The following CCDC73 variants were observed in gnomAD, a reference collection of about 807,000 sequenced individuals.
CCDC73 encodes the protein coiled-coil domain-containing protein 73.
A neutral mutation model predicts 116.5 loss-of-function variants in CCDC73; 95 were observed. That is an observed-to-expected ratio of 0.82 (90% CI 0.69 to 0.97). The LOEUF is 0.97. Ranked by LOEUF, CCDC73 falls within the 50% of genes least tolerant of loss-of-function variation. The probability of loss-of-function intolerance (pLI) is 0.00; values close to 1 mark genes in which losing one functional copy is unlikely to be tolerated. For synonymous variants in CCDC73, 398 were observed against 401.3 expected (o/e 0.99, Z 0.10); for missense variants, 1,066 against 1,206.8 (o/e 0.88, Z 1.73).
At chr11:32,761,027 C>T (rs988592196) in intron 1 of CCDC73, among the ~76,000 whole-genome samples, 1 of 152,032 alleles carries the variant, frequency 6.6e-6, no homozygotes, top group Non-Finnish European at 1.5e-5. Context: ...ATATTTATAG[C>T]TTCATATAAC....
intron 2 of CCDC73, among the ~76,000 whole-genome samples, chr11:32,755,766 TATATATGTGTATATATATATATCTCC>T (rs1850333769): frequency 2.7e-5 from 3 of 111,894 alleles, no homozygotes; most frequent in African/African-American, 7.7e-5. Flanking sequence ...TATATCTCCA[TATATATGTGTATATATATATATCTCC>T]ATATATGTGT....
chr11:32,664,839 G>A (rs1855965249), intron 9 of CCDC73, among the ~76,000 whole-genome samples: 1 of 152,128 alleles, frequency 6.6e-6, no homozygotes, highest in South Asian at 2.1e-4. Context: ...ATGTGTCCCA[G>A]AGATTCTGGT....
intron 1 of CCDC73, among the ~76,000 whole-genome samples, chr11:32,783,639 T>A (rs1347252946): frequency 1.3e-5 from 2 of 152,110 alleles, no homozygotes; most frequent in African/African-American, 4.8e-5. Flanking sequence ...ATTTTATTTT[T>A]ATTTTTTTTT....
chr11:32,614,217 G>A lies in CCDC73; in HGVS notation c.2101C>T (p.Pro701Ser). ...TGGTGGTCGATTACTATATCACAGG[G>A]AACAGTTAGTTCAGATTTCTCTAAA... ...DTLEKSELTV[P>S]CDIVIDHHVS... The change falls in exon 16 of 18, where the codon CCC becomes TCC. Residue 701 changes from proline to serine, a missense_variant. By Grantham distance (74) the Pro-to-Ser change is moderately conservative. Transcript: ENST00000335185. The A allele has an allele frequency of 1.9e-6, 3 of 1,613,780 alleles. No homozygotes were observed. Among genetic ancestry groups the A allele is most frequent in the Non-Finnish European group, 2.5e-6 (3 of 1,179,808 alleles).
At chr11:32,626,525 C>G (rs765653771) in intron 14 of CCDC73, among the ~76,000 whole-genome samples, 10 of 152,154 alleles carry the variant, frequency 6.6e-5, no homozygotes, top group Non-Finnish European at 1.3e-4. Flanking sequence ...CCAAGTCAAT[C>G]CTAAGCCAAA....
rs760034941 is a variant in CCDC73, at chr11:32,614,469, T to C, written c.1849A>G (p.Lys617Glu). The change falls in exon 16 of 18, where the codon AAG becomes GAG. Residue 617 changes from lysine (K) to glutamate (E), a missense_variant. Coordinates refer to ENST00000335185, the MANE Select transcript of CCDC73 (RefSeq NM_001008391.4). ...LPGTREHALEKEITNSDQTKA... is the reference protein window; with the variant it reads ...LPGTREHALEEEITNSDQTKA... ...GTTTGGTCACTATTTGTAATTTCCT[T>C]CTCTAGAGCATGTTCTCGAGTCCCT... 4.0e-5 allele frequency: 65 copies of C among 1,613,604 alleles called. No individual in the cohort carries two copies. Among genetic ancestry groups the C allele is most frequent in the Middle Eastern group, 3.3e-4 (2 of 6,058 alleles).
intron 2 of CCDC73, 125 bp from the exon 3 acceptor site, chr11:32,718,272 C>G: frequency 1.6e-6 from 1 of 624,538 alleles, no homozygotes; most frequent in Non-Finnish European, 2.7e-6. Flanking sequence ...AAAATCTAGA[C>G]AAACTGCAAA....
intron 9 of CCDC73, among the ~76,000 whole-genome samples, chr11:32,657,184 A>G (rs755972124): frequency 2.2e-4 from 34 of 152,224 alleles, no homozygotes; most frequent in Non-Finnish European, 3.4e-4. Flanking sequence ...TAATACCTTC[A>G]AAGTTCTACA....
chr11:32,655,769 G>T (rs994458879), intron 9 of CCDC73, among the ~76,000 whole-genome samples: 2 of 152,130 alleles, frequency 1.3e-5, no homozygotes, highest in Non-Finnish European at 2.9e-5. Context: ...AACAAAATTT[G>T]CATTTTAGAA....
At chr11:32,738,485 T>C (rs1287637513) in intron 2 of CCDC73, among the ~76,000 whole-genome samples, 2 of 152,142 alleles carry the variant, frequency 1.3e-5, no homozygotes, top group African/African-American at 4.8e-5. Flanking sequence ...TATACCTGTG[T>C]GCGATTTGTA....
At chr11:32,769,993 T>C (rs1850478031) in intron 1 of CCDC73, among the ~76,000 whole-genome samples, 1 of 152,218 alleles carries the variant, frequency 6.6e-6, no homozygotes, top group African/African-American at 2.4e-5. Flanking sequence ...TCTGTATTAG[T>C]TATTGCTGTA....
chr11:32,753,413 G>A (rs1850305101), intron 2 of CCDC73, among the ~76,000 whole-genome samples: 1 of 150,876 alleles, frequency 6.6e-6, no homozygotes, highest in African/African-American at 2.4e-5. Context: ...TCCTACCTCA[G>A]CCTTCCAAGT....
chr11:32,720,396 C>A (rs1027835657), intron 2 of CCDC73, among the ~76,000 whole-genome samples: 8 of 152,108 alleles, frequency 5.3e-5, no homozygotes, highest in Non-Finnish European at 4.4e-5. Flanking sequence ...AGAACACTTA[C>A]AAAAACCGTA....
rs1482151636 is a variant in CCDC73, at chr11:32,760,201, G to A, written c.43C>T (p.Leu15Phe). ...FNTESSSTFT[L>F]QSSSETLFSI... Reference sequence around the variant, plus strand: ...AACAATGTCTCTGAAGAACTTTGAAGAGTAAAAGTAGATGATGACTCAGTA... The same window carrying A: ...AACAATGTCTCTGAAGAACTTTGAAAAGTAAAAGTAGATGATGACTCAGTA... The change falls in exon 2 of 18, where the codon CTT becomes TTT. Residue 15 changes from leucine to phenylalanine, a missense_variant. By Grantham distance (22) the Leu-to-Phe change is conservative. Transcript: ENST00000335185. 3.8e-6 allele frequency: 6 copies of A among 1,590,504 alleles called. No homozygotes were observed. In the Admixed American group the frequency reaches 5.2e-5, roughly 14 times the overall value.
chr11:32,645,197 T>A (rs997230857), intron 12 of CCDC73, among the ~76,000 whole-genome samples: 1 of 152,142 alleles, frequency 6.6e-6, no homozygotes, highest in East Asian at 1.9e-4. Flanking sequence ...CACAGAACTG[T>A]CATTTCCTAT....
chr11:32,817,137 A>C, the CCDC73 span, among the ~76,000 whole-genome samples: 1 of 152,242 alleles, frequency 6.6e-6, no homozygotes, highest in Admixed American at 6.5e-5. Context: ...GTAATTGCCA[A>C]GTCTTGATTC....
intron 1 of CCDC73, among the ~76,000 whole-genome samples, chr11:32,763,486 G>A (rs1315985636): frequency 6.6e-6 from 1 of 152,238 alleles, no homozygotes; most frequent in Non-Finnish European, 1.5e-5. Context: ...GGCAAACAGG[G>A]TCTGGTGTAC....
intron 1 of CCDC73, among the ~76,000 whole-genome samples, chr11:32,792,160 A>C (rs1368928858): frequency 6.6e-6 from 1 of 152,172 alleles, no homozygotes; most frequent in Non-Finnish European, 1.5e-5. Context: ...TTCCATTAAT[A>C]AGCACAGCAC....
chr11:32,609,951 T>A (rs1206042314), intron 17 of CCDC73, among the ~76,000 whole-genome samples: 1 of 150,706 alleles, frequency 6.6e-6, no homozygotes, highest in East Asian at 1.9e-4. Flanking sequence ...AGCTAATTTT[T>A]TTTTTTTTTT....
Sources: allele counts gnomAD v4.1 joint callset (sites outside exome capture counted in the v4.1 genomes callset), GRCh38; gene constraint gnomAD v4.1.1; transcripts MANE v1.5; gene names NCBI Gene and HGNC (gene_info 2026-07-23, HGNC 2026-07-21).